The following GNPNAT1 variants were observed in gnomAD, a reference collection of about 807,000 sequenced individuals.
The protein encoded by GNPNAT1 is glucosamine-phosphate N-acetyltransferase 1, also known as glucosamine 6-phosphate N-acetyltransferase.
In GNPNAT1, 11 loss-of-function variants were observed where a neutral mutation model predicts 19.8. That is an observed-to-expected ratio of 0.56 (90% confidence interval 0.35 to 0.92). The LOEUF (loss-of-function observed/expected upper bound fraction) is 0.92, where lower values mean the gene tolerates loss of function less well. Ranked by LOEUF, GNPNAT1 falls within the 40% of genes least tolerant of loss-of-function variation. GNPNAT1 has a pLI of 0.01. For synonymous variants in GNPNAT1, 71 were observed against 72.3 expected (o/e 0.98, Z 0.09); for missense variants, 157 against 211.0 (o/e 0.74, Z 1.59).
chr14:52,780,592 G>A, intron 5 of GNPNAT1, 87 bp downstream of exon 5: 7 of 798,524 alleles, frequency 8.8e-6, no homozygotes, highest in Non-Finnish European at 1.5e-5. Flanking sequence ...AATTAATGAA[G>A]CCAAAAAGAA....
chr14:52,778,365 C>T lies in GNPNAT1; in HGVS notation c.501G>A (p.Lys167=), dbSNP rs893453696. ...CLPQNVGFYK[K]FGYTVSEENY... ...TTTCTTCAGATACAGTATATCCAAA[C>T]TTTTTATAGAAACCAACATTTTGTG... Residue 167 remains lysine (K), a synonymous_variant, in exon 6 of 6, where the codon AAG becomes AAA. Transcript: ENST00000216410. 2 of 1,606,634 alleles carry T rather than the reference C, an allele frequency of 1.2e-6. No individual in the cohort carries two copies. Among genetic ancestry groups the T allele is most frequent in the African/African-American group, 2.7e-5 (2 of 74,388 alleles).
intron 5 of GNPNAT1, among the ~76,000 whole-genome samples, chr14:52,780,063 G>C (rs564127915): frequency 2.0e-5 from 3 of 152,012 alleles, no homozygotes; most frequent in Admixed American, 6.6e-5. Context: ...CAGCTAATTG[G>C]GGGGCTGAAG....
chr14:52,785,940 G>A lies in GNPNAT1; in HGVS notation c.-14-1276C>T, dbSNP rs935324818. 8.6e-5 allele frequency among the ~76,000 whole-genome samples: 13 copies of A among 150,564 alleles called. No individual in the cohort carries two copies. In the East Asian group the frequency reaches 1.1e-3, roughly 13 times the overall value. ...TTTTTTTTGTATTTTTAGTAGAGACGGAGTTTCGCCATGTCAGCCAGGCTG... is the reference window on the plus strand; with the variant it reads ...TTTTTTTTGTATTTTTAGTAGAGACAGAGTTTCGCCATGTCAGCCAGGCTG... On this transcript the variant is annotated intron_variant, in intron 1 of 5. Coordinates refer to ENST00000216410, the MANE Select transcript of GNPNAT1 (RefSeq NM_198066.4).
chr14:52,785,337 A>G (rs1399449010), intron 1 of GNPNAT1, among the ~76,000 whole-genome samples: 2 of 152,148 alleles, frequency 1.3e-5, no homozygotes, highest in African/African-American at 4.8e-5. Context: ...GGATTTTATT[A>G]TTGAGCCAAG....
At chr14:52,784,703 TAGA>T (rs969343949) in intron 1 of GNPNAT1, 39 bp from the exon 2 acceptor site, 23 of 839,296 alleles carry the variant, frequency 2.7e-5, no homozygotes, top group Admixed American at 8.7e-5. Flanking sequence ...CTTTATTTAA[TAGA>T]AGGAAAATTA....
At chr14:52,782,846 C>A (rs556499153) in intron 3 of GNPNAT1, among the ~76,000 whole-genome samples, 85 of 152,096 alleles carry the variant, frequency 5.6e-4, no homozygotes, top group African/African-American at 1.9e-3. Context: ...GATAATAATA[C>A]TTCATTTCCT....
intron 1 of GNPNAT1, among the ~76,000 whole-genome samples, chr14:52,789,343 T>C (rs1018097133): frequency 2.0e-5 from 3 of 152,214 alleles, no homozygotes; most frequent in Non-Finnish European, 4.4e-5. Context: ...AGTAGATAAA[T>C]TCCCTATCTT....
intron 2 of GNPNAT1, 62 bp from the exon 3 acceptor site, chr14:52,783,547 A>C: frequency 1.9e-6 from 2 of 1,080,776 alleles, no homozygotes; most frequent in Admixed American, 3.6e-5. Flanking sequence ...TATGAAAATA[A>C]GCAATATATT....
Position 52,780,682 on chromosome 14 carries a change from T to A in GNPNAT1, c.404A>T (p.Lys135Ile). ...TACCTTGTTTCTGCCTACTTACAAT[T>A]TGCCAAGCTGCTTTCCTCTGCATTC... ...SDECRGKQLGKLLLSTLTLLS... is the reference protein window; with the variant it reads ...SDECRGKQLGILLLSTLTLLS... The change falls in exon 5 of 6, where the codon AAA (lysine) becomes ATA (isoleucine). Residue 135 changes from lysine (K) to isoleucine (I), a missense_variant. Coordinates refer to ENST00000216410, the MANE Select transcript of GNPNAT1 (RefSeq NM_198066.4). 1.2e-6 allele frequency: 2 copies of A among 1,600,716 alleles called. No individual in the cohort carries two copies. The highest frequency in any genetic ancestry group is 1.7e-6 in the Non-Finnish European group (2 of 1,168,680).
At position 52,780,713 on chromosome 14, in the gene GNPNAT1, TAAC is replaced by T. The variant is rs766636090; in HGVS notation, c.370_372del (p.Val124del). ...AGCTGCTTTCCTCTGCATTCATCAC[TAAC>T]AACAACATCTTCTACTCTTCCTCTC... On this transcript the variant is annotated inframe_deletion, in exon 5 of 6. Coordinates refer to ENST00000216410, the MANE Select transcript of GNPNAT1 (RefSeq NM_198066.4). 40 of 1,605,062 alleles carry T rather than the reference TAAC, an allele frequency of 2.5e-5. No homozygotes were observed. Among genetic ancestry groups the T allele is most frequent in the Admixed American group, 3.3e-5 (2 of 59,872 alleles).
chr14:52,787,173 A>T (rs1357121969), intron 1 of GNPNAT1, among the ~76,000 whole-genome samples: 3 of 152,036 alleles, frequency 2.0e-5, no homozygotes, highest in African/African-American at 7.2e-5. Flanking sequence ...TTCTATATCC[A>T]GTTAAAGAAA....
intron 1 of GNPNAT1, among the ~76,000 whole-genome samples, chr14:52,786,749 G>A (rs1883028722): frequency 6.6e-6 from 1 of 151,824 alleles, no homozygotes; most frequent in South Asian, 2.1e-4. Context: ...GGGCCAGGGG[G>A]CTTCTGTGCA....
chr14:52,790,819 TTTAAA>T (rs928302428), intron 1 of GNPNAT1, among the ~76,000 whole-genome samples: 6 of 152,168 alleles, frequency 3.9e-5, no homozygotes, highest in African/African-American at 1.4e-4. Context: ...GTATGAAAAT[TTTAAA>T]TTAGTTTGGC....
intron 5 of GNPNAT1, 116 bp downstream of exon 5, chr14:52,780,563 A>G: frequency 1.4e-6 from 1 of 700,628 alleles, no homozygotes; most frequent in Non-Finnish European, 2.6e-6. Flanking sequence ...CTAAACTATT[A>G]GAGTGAGAAT....
intron 2 of GNPNAT1, 27 bp from the exon 3 acceptor site, chr14:52,783,512 T>A (rs1164767045): frequency 6.9e-7 from 1 of 1,450,962 alleles, no homozygotes; most frequent in Non-Finnish European, 9.7e-7. Context: ...GATTTCAAAT[T>A]ACGAGAATAG....
intron 1 of GNPNAT1, among the ~76,000 whole-genome samples, chr14:52,790,759 A>G (rs989909520): frequency 6.6e-6 from 1 of 152,234 alleles, no homozygotes; most frequent in Non-Finnish European, 1.5e-5. Context: ...GGATTCGTTC[A>G]TGAGGGATTA....
Position 52,776,411 on chromosome 14 carries a change from T to C in GNPNAT1, c.*1900A>G, listed in dbSNP as rs1385087628. ...ATGGTGTACCTTACCTGTAATTCTA[T>C]TTCCTATGGGAGGATTTAAGAGATA... On this transcript the variant is annotated 3_prime_UTR_variant, in exon 6 of 6. Transcript: ENST00000216410. 1 of 152,212 alleles carries C rather than the reference T, an allele frequency of 6.6e-6. No homozygotes were observed. Among genetic ancestry groups the C allele is most frequent in the Non-Finnish European group, 1.5e-5 (1 of 68,038 alleles). 9.4% of individuals were successfully genotyped at this position (152,212 alleles called of 1,614,324 possible).
At chr14:52,778,489 G>A in intron 5 of GNPNAT1, 31 bp from the exon 6 acceptor site, 4 of 1,556,556 alleles carry the variant, frequency 2.6e-6, no homozygotes, top group African/African-American at 1.4e-5. Context: ...AGGGTGAGGA[G>A]ATAGCATTTA....
intron 1 of GNPNAT1, among the ~76,000 whole-genome samples, chr14:52,789,986 CAAAAAA>C (rs200756037): frequency 0.38 from 41,210 of 107,102 alleles, 5,571 homozygotes; most frequent in Admixed American, 0.46. Flanking sequence ...TCCAGAAGGA[CAAAAAA>C]AAAAAAAAAA....
Sources: gnomAD v4.1 joint callset for allele counts (sites outside exome capture counted in the v4.1 genomes callset) on GRCh38, gnomAD v4.1.1 for gene constraint, MANE v1.5 for transcripts, NCBI Gene and HGNC (gene_info 2026-07-23, HGNC 2026-07-21) for gene names.